CSGALNACT1: variants seen among roughly 807,000 people sequenced by gnomAD.
CSGALNACT1 encodes the protein chondroitin sulfate N-acetylgalactosaminyltransferase 1.
A neutral mutation model predicts 51.0 loss-of-function variants in CSGALNACT1; 52 were observed. That is an observed-to-expected ratio of 1.02 (90% CI 0.82 to 1.29). The LOEUF is 1.29. CSGALNACT1 is among the 50% of genes most tolerant of loss of function. The pLI is 0.00. For synonymous variants in CSGALNACT1, 341 were observed against 254.4 expected (o/e 1.34, Z -3.24); for missense variants, 935 against 679.2 (o/e 1.38, Z -4.19).
At chr8:19,589,165 C>T (rs1334432922) in intron 3 of CSGALNACT1, among the ~76,000 whole-genome samples, 1 of 152,174 alleles carries the variant, frequency 6.6e-6, no homozygotes, top group Non-Finnish European at 1.5e-5. Flanking sequence ...TATTCATTTG[C>T]AGTAGGCTGG....
chr8:19,737,514 C>T (rs1366386675), intron 1 of CSGALNACT1, among the ~76,000 whole-genome samples: 1 of 151,310 alleles, frequency 6.6e-6, no homozygotes, highest in Non-Finnish European at 1.5e-5. Context: ...TTAAGTTACA[C>T]ACATACGGAA....
intron 4 of CSGALNACT1, among the ~76,000 whole-genome samples, chr8:19,479,663 T>C (rs2070788846): frequency 6.6e-6 from 1 of 151,248 alleles, no homozygotes; most frequent in Non-Finnish European, 1.5e-5. Context: ...TTCATGCAGA[T>C]ACACAGAAAG....
chr8:19,514,073 T>C (rs768420198), intron 3 of CSGALNACT1, among the ~76,000 whole-genome samples: 5 of 152,182 alleles, frequency 3.3e-5, no homozygotes, highest in Non-Finnish European at 5.9e-5. Context: ...CATTAGCATC[T>C]ATCTATGGGC....
At chr8:19,693,348 C>T (rs2061425211) in intron 1 of CSGALNACT1, among the ~76,000 whole-genome samples, 1 of 152,036 alleles carries the variant, frequency 6.6e-6, no homozygotes, top group Non-Finnish European at 1.5e-5. Flanking sequence ...CAGTTCTTCA[C>T]CTGTGGTACC....
rs886562239 is a variant in CSGALNACT1, at chr8:19,702,044, G to A, written c.-297+55806C>T. Among the ~76,000 whole-genome samples the A allele has an allele frequency of 1.2e-4, 18 of 152,056 alleles. 1 individual carries two copies. Among genetic ancestry groups the A allele is most frequent in the African/African-American group, 4.1e-4 (17 of 41,410 alleles). ...TACAGGTCTGGCAAACATTTGATTG[G>A]CTTCATAAGTGCCTACCTGTTACAT... is the stretch of plus-strand genomic sequence containing the variant. On this transcript the variant is annotated intron_variant, in intron 1 of 1. Transcript: ENST00000517494.
intron 3 of CSGALNACT1, among the ~76,000 whole-genome samples, chr8:19,573,112 C>T (rs1366990138): frequency 1.3e-5 from 2 of 152,170 alleles, no homozygotes; most frequent in South Asian, 2.1e-4. Flanking sequence ...ACTCCCATGG[C>T]GGTAGCATTC....
intron 1 of CSGALNACT1, among the ~76,000 whole-genome samples, chr8:19,654,867 G>A (rs1346035094): frequency 5.3e-5 from 8 of 151,962 alleles, no homozygotes; most frequent in East Asian, 1.9e-4. Context: ...ATTTTTTAAA[G>A]TAAAATTTTT....
Position 19,446,662 on chromosome 8 carries a change from T to G in CSGALNACT1, c.852-6731A>C, listed in dbSNP as rs367700808. On this transcript the variant is annotated intron_variant, in intron 5 of 9. Transcript: ENST00000454498. ...CCGAGCAGCTGGGACCACAGGTGTG[T>G]GCCATCATGCCCAGCTAATTTTTGT... 7.0e-4 allele frequency among the ~76,000 whole-genome samples: 106 copies of G among 152,252 alleles called. 1 individual carries two copies. In the South Asian group the frequency reaches 0.02, roughly 29 times the overall value.
rs80003751 is a variant in CSGALNACT1, at chr8:19,675,022, A to T, written c.-544+7451T>A. On this transcript the variant is annotated intron_variant, in intron 1 of 9. Transcript: ENST00000332246. ...AAAGTTGAGATGCTCAATTGACATC[A>T]TCTAGATGAAGATACTGAGTTCTGG... 2.9e-3 allele frequency among the ~76,000 whole-genome samples: 444 copies of T among 152,296 alleles called. 2 individuals carry two copies. The highest frequency in any genetic ancestry group is 5.5e-3 in the Non-Finnish European group (371 of 68,020).
chr8:19,656,787 GC>G (rs2058318509), intron 1 of CSGALNACT1, among the ~76,000 whole-genome samples: 1 of 152,072 alleles, frequency 6.6e-6, no homozygotes, highest in South Asian at 2.1e-4. Flanking sequence ...AACCATGTAG[GC>G]CAGATGCAGT....
intron 4 of CSGALNACT1, among the ~76,000 whole-genome samples, chr8:19,467,110 CTTTTTTTTTTTTT>C (rs10604359): frequency 3.7e-5 from 2 of 53,354 alleles, no homozygotes; most frequent in South Asian, 2.1e-3. Flanking sequence ...TAGCAGCTGA[CTTTTTTTTTTTTT>C]TTTTTTTTTT....
intron 4 of CSGALNACT1, among the ~76,000 whole-genome samples, chr8:19,462,560 G>C (rs1006670292): frequency 2.8e-4 from 43 of 152,134 alleles, no homozygotes; most frequent in Non-Finnish European, 5.9e-5. Flanking sequence ...GGAGGTGCCT[G>C]CATCATCAGC....
intron 5 of CSGALNACT1, among the ~76,000 whole-genome samples, chr8:19,452,470 G>A (rs1277985351): frequency 2.0e-5 from 3 of 150,602 alleles, no homozygotes; most frequent in African/African-American, 7.3e-5. Flanking sequence ...AAGGAAAAAA[G>A]CTAATCACAT....
intron 4 of CSGALNACT1, among the ~76,000 whole-genome samples, chr8:19,459,854 G>A (rs1462209191): frequency 6.6e-6 from 1 of 152,202 alleles, no homozygotes; most frequent in Non-Finnish European, 1.5e-5. Flanking sequence ...AGAGGCAGGA[G>A]AGAAGTCTAG....
chr8:19,523,575 GGTACTATTCACACCCAGGCTACATT>G (rs1226831314), intron 3 of CSGALNACT1, among the ~76,000 whole-genome samples: 1 of 152,038 alleles, frequency 6.6e-6, no homozygotes, highest in Non-Finnish European at 1.5e-5. Context: ...CAGGCTACAT[GGTACTATTCACACCCAGGCTACATT>G]GTACTATTAA....
intron 3 of CSGALNACT1, among the ~76,000 whole-genome samples, chr8:19,543,600 G>C (rs993932104): frequency 6.6e-6 from 1 of 152,114 alleles, no homozygotes; most frequent in Non-Finnish European, 1.5e-5. Context: ...GTCTCCAGTG[G>C]GGTTCCACAG....
At chr8:19,432,055 C>T (rs2059725913) in intron 6 of CSGALNACT1, among the ~76,000 whole-genome samples, 3 of 152,128 alleles carry the variant, frequency 2.0e-5, no homozygotes. Flanking sequence ...TATGTAGTTA[C>T]TTCACTGGCA....
chr8:19,639,976 G>A (rs1398798321), intron 1 of CSGALNACT1, among the ~76,000 whole-genome samples: 1 of 150,988 alleles, frequency 6.6e-6, no homozygotes, highest in African/African-American at 2.5e-5. Context: ...AGACCTCCCT[G>A]GGCTCAGGTG....
rs1369095005 is a variant in CSGALNACT1 at position 19,649,020 on chromosome 8, C to T, written c.-544+33453G>A. Among the ~76,000 whole-genome samples, 4 of 152,066 alleles carry T rather than the reference C, an allele frequency of 2.6e-5. No homozygotes were observed. The South Asian group carries it at 8.3e-4, about 32-fold the overall frequency. The stretch of plus-strand genomic sequence containing the variant: ...ATAATAGTACTCTACTGTGTATGTC[C>T]ATACAGTAAAGTGAAGACAGACTCA... On this transcript the variant is annotated intron_variant, in intron 1 of 9. Transcript: ENST00000332246.
Sources: allele counts gnomAD v4.1 joint callset (sites outside exome capture counted in the v4.1 genomes callset), GRCh38; gene constraint gnomAD v4.1.1; transcripts MANE v1.5; gene names NCBI Gene and HGNC (gene_info 2026-07-23, HGNC 2026-07-21).